The following CEP85 variants were observed in gnomAD, a reference collection of about 807,000 sequenced individuals.
The protein encoded by CEP85 is centrosomal protein of 85 kDa.
Under a neutral mutation model 93.7 loss-of-function variants are expected in CEP85, and 58 were observed. The ratio of observed to expected loss-of-function variants is 0.62; its 90% CI spans 0.50 to 0.77. The LOEUF is 0.77. CEP85 is among the 30% of genes least tolerant of loss of function. CEP85 has a pLI of 0.00. For missense variants in CEP85, 868 were observed against 922.0 expected, an observed-to-expected ratio of 0.94 and a Z score of 0.76; for synonymous variants, 314 against 338.6, an observed-to-expected ratio of 0.93 and a Z score of 0.80.
chr1:26,240,166 G>A (rs1456260530), intron 2 of CEP85, among the ~76,000 whole-genome samples: 1 of 152,176 alleles, frequency 6.6e-6, no homozygotes, highest in Non-Finnish European at 1.5e-5. Context: ...TGTCCTCTGG[G>A]TGGGTCAGTC....
At chr1:26,248,988 A>G (rs2089558933) in intron 3 of CEP85, among the ~76,000 whole-genome samples, 1 of 151,892 alleles carries the variant, frequency 6.6e-6, no homozygotes, top group South Asian at 2.1e-4. Flanking sequence ...GGCTTCTCAA[A>G]GTGCTGGGAT....
intron 10 of CEP85, 25 bp from the exon 11 acceptor site, chr1:26,271,996 C>T (rs1349078698): frequency 6.2e-7 from 1 of 1,613,438 alleles, no homozygotes; most frequent in Non-Finnish European, 8.5e-7. Flanking sequence ...TGCTCGCAGC[C>T]TTCCTTGATA....
At chr1:26,249,321 A>G (rs539285830) in intron 3 of CEP85, among the ~76,000 whole-genome samples, 1 of 152,348 alleles carries the variant, frequency 6.6e-6, no homozygotes, top group Admixed American at 6.5e-5. Flanking sequence ...ACCTCAGCTG[A>G]TCCACTCACC....
rs1258256367 is a variant in CEP85, at chr1:26,256,479, C to T, written c.903+614C>T. 7.9e-5 allele frequency among the ~76,000 whole-genome samples: 12 copies of T among 151,600 alleles called. No homozygotes were observed. The East Asian group carries it at 1.6e-3, about 20-fold the overall frequency. On this transcript the variant is annotated intron_variant, in intron 4 of 13. Transcript: ENST00000451429. Reference sequence around the variant, plus strand: ...CTGGGAGGCGGAGGTTGCAGTGAGCCGAGACTGCGCCATTGCACTCCAGTC... The same window carrying T: ...CTGGGAGGCGGAGGTTGCAGTGAGCTGAGACTGCGCCATTGCACTCCAGTC...
At chr1:26,256,286 C>T (rs1047439761) in intron 4 of CEP85, among the ~76,000 whole-genome samples, 1 of 152,126 alleles carries the variant, frequency 6.6e-6, no homozygotes, top group African/African-American at 2.4e-5. Context: ...TGGCTCACGC[C>T]TATAATCCCA....
At chr1:26,259,842 T>C in intron 7 of CEP85, 40 bp downstream of exon 7, 1 of 1,534,516 alleles carries the variant, frequency 6.5e-7, no homozygotes, top group African/African-American at 1.4e-5. Flanking sequence ...ACAAAGGAGT[T>C]GGCAGTCAGC....
At chr1:26,276,436 C>T in intron 12 of CEP85, 99 bp from the exon 13 acceptor site, 1 of 911,456 alleles carries the variant, frequency 1.1e-6, no homozygotes, top group Non-Finnish European at 1.8e-6. Context: ...GGGACACTGC[C>T]TATGACTCAC....
At chr1:26,264,760 C>A (rs1237970372) in intron 7 of CEP85, among the ~76,000 whole-genome samples, 1 of 152,052 alleles carries the variant, frequency 6.6e-6, no homozygotes, top group Non-Finnish European at 1.5e-5. Flanking sequence ...CCTTTGGATT[C>A]TTGATGTTGA....
intron 7 of CEP85, 123 bp downstream of exon 7, chr1:26,259,925 C>T: frequency 4.2e-6 from 3 of 712,324 alleles, no homozygotes; most frequent in Non-Finnish European, 6.8e-6. Flanking sequence ...CCTCCACTGG[C>T]TTCTCACACA....
chr1:26,257,617 C>T lies in CEP85; in HGVS notation c.924C>T (p.Cys308=), dbSNP rs757549797. ...EQMQLQNGAI[C]HHPAAFGPSL... ...TTCAGCTTCAGAATGGAGCCATCTG[C>T]CACCATCCTGCTGCTTTTGGTCCTT... The change falls in exon 5 of 14, where the codon TGC becomes TGT. Residue 308 remains cysteine, a synonymous_variant. Coordinates refer to ENST00000451429, the MANE Select transcript of CEP85 (RefSeq NM_001319944.2). 1.2e-6 allele frequency: 2 copies of T among 1,614,176 alleles called. No individual in the cohort carries two copies. The highest frequency in any genetic ancestry group is 1.7e-6 in the Non-Finnish European group (2 of 1,180,022).
At chr1:26,263,362 T>G in intron 7 of CEP85, 1 of 251,950 alleles carries the variant, frequency 4.0e-6, no homozygotes, top group Non-Finnish European at 8.0e-6. Flanking sequence ...GGCTGCGGCA[T>G]GGCTGTCAAG....
Position 26,258,019 on chromosome 1 carries a change from T to G in CEP85, c.1038-124T>G, listed in dbSNP as rs189997659. ...TATCTTTCTCATTTGTTCTTCTTCC[T>G]TCAGAAAATAGTGATATCCAGAATC... On this transcript the variant is annotated intron_variant, in intron 5 of 13. Transcript: ENST00000451429. The G allele has an allele frequency of 7.9e-6, 6 of 757,320 alleles. No individual in the cohort carries two copies. The East Asian group carries it at 1.5e-4, about 19-fold the overall frequency. The allele number at this position is 757,320 out of a possible 1,614,324, so 46.9% of individuals were successfully genotyped here.
In CEP85 at chr1:26,258,131, C is replaced by T. The variant is rs375761345; in HGVS notation, c.1038-12C>T. ...CATCAGGACCCTGACCTGATTCTAC[C>T]GGCTTGTGCAGGCAGAGGAAACACA... is the stretch of plus-strand genomic sequence containing the variant. On this transcript the variant is annotated splice_polypyrimidine_tract_variant and intron_variant, in intron 5 of 13. Transcript: ENST00000451429. 7.5e-6 allele frequency: 12 copies of T among 1,605,230 alleles called. No homozygotes were observed. In the Admixed American group the frequency reaches 8.3e-5, roughly 11 times the overall value.
chr1:26,244,782 A>G (rs967301542), intron 3 of CEP85, among the ~76,000 whole-genome samples: 6 of 152,226 alleles, frequency 3.9e-5, no homozygotes, highest in Non-Finnish European at 5.9e-5. Context: ...TCGGCCTCCC[A>G]AAGTGCTGAG....
At chr1:26,236,862 G>T (rs1366100753) in intron 1 of CEP85, among the ~76,000 whole-genome samples, 1 of 152,178 alleles carries the variant, frequency 6.6e-6, no homozygotes, top group Non-Finnish European at 1.5e-5. Context: ...GTCATAGGTA[G>T]ATTTCAAAAT....
intron 7 of CEP85, among the ~76,000 whole-genome samples, chr1:26,261,498 G>A (rs2089807760): frequency 6.6e-6 from 1 of 152,030 alleles, no homozygotes; most frequent in African/African-American, 2.4e-5. Context: ...AGTTGGGTTA[G>A]TGAGTTTAAA....
At position 26,259,645 on chromosome 1, in the gene CEP85, G is replaced by C. The variant is rs185173348; in HGVS notation, c.1184G>C (p.Arg395Pro). Residue 395 changes from arginine (R) to proline (P), a missense_variant, in exon 7 of 14, where the codon CGT (arginine) becomes CCT (proline). Transcript: ENST00000451429. ...TTGCAGCGAGAAAACACTTTCTTACGTGCACAGTTTGCACAGAAGACAGAA... is the reference window on the plus strand; with the variant it reads ...TTGCAGCGAGAAAACACTTTCTTACCTGCACAGTTTGCACAGAAGACAGAA... ...QELQRENTFL[R>P]AQFAQKTEAL... 3.1e-6 allele frequency: 5 copies of C among 1,611,514 alleles called. No individual in the cohort carries two copies. Among genetic ancestry groups the C allele is most frequent in the Non-Finnish European group, 2.5e-6 (3 of 1,179,130 alleles).
intron 1 of CEP85, among the ~76,000 whole-genome samples, chr1:26,236,783 G>A (rs1262368842): frequency 6.6e-6 from 1 of 152,200 alleles, no homozygotes; most frequent in Non-Finnish European, 1.5e-5. Flanking sequence ...TGAGACATCA[G>A]TCAAATACAT....
Position 26,277,559 on chromosome 1 carries a change from G to A in CEP85, c.*266G>A. The stretch of plus-strand genomic sequence containing the variant: ...TACAACAGATAAGTCCTCACAAACT[G>A]TTCCCAGCCCTAGGCTGACATGAGA... On this transcript the variant is annotated 3_prime_UTR_variant, in exon 14 of 14. Coordinates refer to ENST00000451429, the MANE Select transcript of CEP85 (RefSeq NM_001319944.2). 2.9e-6 allele frequency: 1 copy of A among 343,868 alleles called. No homozygotes were observed. Among genetic ancestry groups the A allele is most frequent in the African/African-American group, 2.1e-5 (1 of 48,642 alleles). The allele number at this position is 343,868 out of a possible 1,614,324, so 21.3% of individuals were successfully genotyped here.
Sources: allele counts gnomAD v4.1 joint callset (sites outside exome capture counted in the v4.1 genomes callset), GRCh38; gene constraint gnomAD v4.1.1; transcripts MANE v1.5; gene names NCBI Gene and HGNC (gene_info 2026-07-23, HGNC 2026-07-21).